Variants in ADAM22 observed in about 807,000 individuals in gnomAD.
The protein encoded by ADAM22 is disintegrin and metalloproteinase domain-containing protein 22.
ADAM22 carries 65 observed loss-of-function variants against 144.6 expected under a neutral mutation model. The observed-to-expected ratio is 0.45, with a 90% CI of 0.37 to 0.55. The LOEUF (loss-of-function observed/expected upper bound fraction) is 0.55. Ranked by LOEUF, ADAM22 falls within the 20% of genes least tolerant of loss-of-function variation. The pLI is 0.00. For missense variants in ADAM22, 974 were observed against 1,184.9 expected, an observed-to-expected ratio of 0.82 and a Z score of 2.61; for synonymous variants, 391 against 412.6, an observed-to-expected ratio of 0.95 and a Z score of 0.63.
At chr7:87,975,129 G>T (rs914159109) in intron 2 of ADAM22, among the ~76,000 whole-genome samples, 1 of 152,114 alleles carries the variant, frequency 6.6e-6, no homozygotes, top group Admixed American at 6.5e-5. Flanking sequence ...CCCTACCGCA[G>T]ATTCCTTCTA....
intron 29 of ADAM22, among the ~76,000 whole-genome samples, chr7:88,184,722 C>G (rs909005041): frequency 6.6e-6 from 1 of 152,050 alleles, no homozygotes; most frequent in Non-Finnish European, 1.5e-5. Flanking sequence ...GGAAGCTCAC[C>G]ATGAAGACAT....
At chr7:87,952,238 T>C (rs1174140761) in intron 2 of ADAM22, among the ~76,000 whole-genome samples, 2 of 151,752 alleles carry the variant, frequency 1.3e-5, no homozygotes, top group Non-Finnish European at 3.0e-5. Flanking sequence ...AAGGGAATGC[T>C]TCCAGTTTCT....
intron 30 of ADAM22, among the ~76,000 whole-genome samples, chr7:88,191,913 C>G (rs1206824636): frequency 6.6e-6 from 1 of 152,180 alleles, no homozygotes; most frequent in Non-Finnish European, 1.5e-5. Context: ...TATTTTCAAA[C>G]TTTAGCTTGA....
chr7:88,196,736 G>T lies in ADAM22; in HGVS notation c.*245G>T. ...TACACTATAACATGGAACAATAAAG[G>T]TACTGGTATGTTAATGGATAATCCG... On this transcript the variant is annotated 3_prime_UTR_variant, in exon 32 of 32. Transcript: ENST00000413139. 1.9e-6 allele frequency: 1 copy of T among 530,418 alleles called. No individual in the cohort carries two copies. The highest frequency in any genetic ancestry group is 3.4e-6 in the Non-Finnish European group (1 of 294,224). 32.9% of individuals were successfully genotyped at this position (530,418 alleles called of 1,614,324 possible). A position where few individuals can be genotyped will look rare whatever the true frequency, so the allele number is the denominator to read the frequency against.
At position 87,934,419 on chromosome 7, in the gene ADAM22, G is replaced by T. The variant is rs771980587; in HGVS notation, c.-47G>T. On this transcript the variant is annotated 5_prime_UTR_variant, in exon 1 of 32. Transcript: ENST00000413139. ...GAGGGAAACGGACTCGGCGGCGCCGGCATGAGGAGCTGAGCGTCTCGGGCG... is the reference window on the plus strand; with the variant it reads ...GAGGGAAACGGACTCGGCGGCGCCGTCATGAGGAGCTGAGCGTCTCGGGCG... 3 of 1,543,450 alleles carry T rather than the reference G, an allele frequency of 1.9e-6. No individual in the cohort carries two copies. In the Admixed American group the frequency reaches 5.6e-5, roughly 29 times the overall value.
chr7:88,153,057 A>G (rs1239389645), intron 20 of ADAM22, among the ~76,000 whole-genome samples, 164 bp from the exon 21 acceptor site: 1 of 152,178 alleles, frequency 6.6e-6, no homozygotes, highest in East Asian at 1.9e-4. Context: ...TCATGGATAT[A>G]TATGATCCAT....
intron 10 of ADAM22, 62 bp downstream of exon 10, chr7:88,130,521 A>G (rs1831495811): frequency 1.4e-6 from 2 of 1,470,860 alleles, no homozygotes; most frequent in East Asian, 2.3e-5. Context: ...TGCTAATAGA[A>G]TGGATAATAT....
At chr7:88,034,548 G>T (rs541340295) in intron 3 of ADAM22, among the ~76,000 whole-genome samples, 8 of 152,250 alleles carry the variant, frequency 5.3e-5, no homozygotes, top group Admixed American at 5.2e-4. Flanking sequence ...ACCTCAGCTC[G>T]TGTCTCAGTA....
At chr7:88,133,478 T>C (rs1832296974) in intron 12 of ADAM22, among the ~76,000 whole-genome samples, 2 of 152,012 alleles carry the variant, frequency 1.3e-5, no homozygotes, top group African/African-American at 4.8e-5. Context: ...GCAGATAATA[T>C]GGGATAATTA....
Position 88,179,037 on chromosome 7 carries a change from G to A in ADAM22, c.2403G>A (p.Lys801=). 1 of 1,612,562 alleles carries A rather than the reference G, an allele frequency of 6.2e-7. No individual in the cohort carries two copies. The highest frequency in any genetic ancestry group is 8.5e-7 in the Non-Finnish European group (1 of 1,178,750). The change falls in exon 27 of 32, where the codon AAG becomes AAA. Residue 801 remains lysine, a synonymous_variant. Coordinates refer to ENST00000413139, the MANE Select transcript of ADAM22 (RefSeq NM_001324418.2). ...GVSTNSASSS[K]KRSAFLSHFQ... ...GCACAAACTCAGCATCTAGTTCTAA[G>A]AAGAGGTCTGCTTTTCTGTCGCATT...
intron 6 of ADAM22, among the ~76,000 whole-genome samples, chr7:88,115,924 A>G (rs1827645775): frequency 6.6e-6 from 1 of 152,232 alleles, no homozygotes; most frequent in Non-Finnish European, 1.5e-5. Context: ...ACACAGAAAC[A>G]TAATACACTT....
intron 2 of ADAM22, among the ~76,000 whole-genome samples, chr7:87,955,189 C>A (rs1019445541): frequency 2.0e-5 from 3 of 152,222 alleles, no homozygotes; most frequent in African/African-American, 7.2e-5. Flanking sequence ...GAACTGCGTT[C>A]CTTTGGAGGA....
chr7:88,016,856 G>A lies in ADAM22; in HGVS notation c.323+38444G>A, dbSNP rs568668339. ...CAGCTAGGCCAGCATAGTGGTTCAT[G>A]TCTGTAATCCCAACACTTTGGGAAG... On this transcript the variant is annotated intron_variant, in intron 3 of 31. Transcript: ENST00000413139. Among the ~76,000 whole-genome samples, 29 of 152,336 alleles carry A rather than the reference G, an allele frequency of 1.9e-4. 1 individual carries two copies. The highest frequency in any genetic ancestry group is 1.7e-3 in the South Asian group (8 of 4,828).
At chr7:88,049,850 A>T (rs989587748) in intron 3 of ADAM22, among the ~76,000 whole-genome samples, 1 of 119,420 alleles carries the variant, frequency 8.4e-6, no homozygotes, top group African/African-American at 3.2e-5. Flanking sequence ...ATGTTATTTT[A>T]AATTGATGAA....
At chr7:88,035,823 A>T (rs1452699194) in intron 3 of ADAM22, among the ~76,000 whole-genome samples, 1 of 152,190 alleles carries the variant, frequency 6.6e-6, no homozygotes, top group Non-Finnish European at 1.5e-5. Flanking sequence ...ATACCAAGGG[A>T]TGATTTTAGT....
chr7:88,007,050 A>C (rs953266641), intron 3 of ADAM22, among the ~76,000 whole-genome samples: 1 of 152,242 alleles, frequency 6.6e-6, no homozygotes, highest in Non-Finnish European at 1.5e-5. Flanking sequence ...CAACTTCAGC[A>C]AAGTCTCAGT....
intron 3 of ADAM22, among the ~76,000 whole-genome samples, chr7:88,014,620 G>A (rs991949691): frequency 6.6e-6 from 1 of 152,102 alleles, no homozygotes; most frequent in Non-Finnish European, 1.5e-5. Context: ...GCAGACACCT[G>A]TAATCCCAGC....
intron 22 of ADAM22, among the ~76,000 whole-genome samples, chr7:88,161,566 A>G (rs1349814911): frequency 6.6e-6 from 1 of 152,142 alleles, no homozygotes; most frequent in East Asian, 1.9e-4. Flanking sequence ...TGTAAACTAT[A>G]CATTTGACAA....
chr7:88,175,264 A>AT (rs1221181653), intron 26 of ADAM22, among the ~76,000 whole-genome samples: 1 of 152,178 alleles, frequency 6.6e-6, no homozygotes, highest in African/African-American at 2.4e-5. Context: ...TTATGAACAC[A>AT]TTAAGAGTTG....
Sources: gnomAD v4.1 joint callset for allele counts (sites outside exome capture counted in the v4.1 genomes callset) on GRCh38, gnomAD v4.1.1 for gene constraint, MANE v1.5 for transcripts, NCBI Gene and HGNC (gene_info 2026-07-23, HGNC 2026-07-21) for gene names.